Variants in FHIT observed in about 807,000 individuals in gnomAD.
The protein encoded by FHIT is fragile histidine triad diadenosine triphosphatase, also known as bis(5'-adenosyl)-triphosphatase.
FHIT carries 19 observed loss-of-function variants against 17.9 expected under a neutral mutation model. The observed-to-expected ratio is 1.06, with a 90% confidence interval of 0.74 to 1.56. The LOEUF is 1.56. Among genes scored for constraint, FHIT ranks in the 40% most tolerant of loss-of-function variants. The pLI is 0.00. For synonymous variants in FHIT, 81 were observed against 69.7 expected (o/e 1.16, Z -0.81); for missense variants, 248 against 189.2 (o/e 1.31, Z -1.82).
chr3:59,880,626 A>C (rs1310200963), intron 8 of FHIT, among the ~76,000 whole-genome samples: 1 of 152,192 alleles, frequency 6.6e-6, no homozygotes, highest in Non-Finnish European at 1.5e-5. Flanking sequence ...AAACAGAGAG[A>C]ATAGCAATGC....
At chr3:61,118,052 A>C (rs913812351) in intron 2 of FHIT, among the ~76,000 whole-genome samples, 1 of 152,150 alleles carries the variant, frequency 6.6e-6, no homozygotes, top group Non-Finnish European at 1.5e-5. Flanking sequence ...AACTGATTCT[A>C]TCTTCAGGAA....
intron 5 of FHIT, among the ~76,000 whole-genome samples, chr3:60,245,089 A>G (rs371355805): frequency 9.2e-5 from 14 of 152,054 alleles, no homozygotes; most frequent in Admixed American, 4.6e-4. Flanking sequence ...AATACAGCCT[A>G]TATCAGCAGT....
intron 5 of FHIT, among the ~76,000 whole-genome samples, chr3:60,436,029 G>A (rs1186820217): frequency 6.6e-6 from 1 of 151,892 alleles, no homozygotes; most frequent in Non-Finnish European, 1.5e-5. Flanking sequence ...ATGTGTATAT[G>A]TACCACATTT....
chr3:60,376,211 GCCCATGCTTGACACCACAAGCC>G (rs1234984834), intron 5 of FHIT, among the ~76,000 whole-genome samples: 3 of 152,242 alleles, frequency 2.0e-5, no homozygotes, highest in African/African-American at 7.2e-5. Flanking sequence ...TCCCACAAAA[GCCCATGCTTGACACCACAAGCC>G]CCCATGCTTG....
At chr3:60,331,527 CT>C (rs1709978074) in intron 5 of FHIT, among the ~76,000 whole-genome samples, 1 of 152,172 alleles carries the variant, frequency 6.6e-6, no homozygotes. Context: ...TTGGTAGCTT[CT>C]TTGTCACTCC....
chr3:60,294,724 C>T (rs960386038), intron 5 of FHIT, among the ~76,000 whole-genome samples: 1 of 152,150 alleles, frequency 6.6e-6, no homozygotes, highest in Non-Finnish European at 1.5e-5. Context: ...CACTGCCAAC[C>T]ACTCATCTGT....
intron 1 of FHIT, among the ~76,000 whole-genome samples, chr3:61,238,481 A>C (rs2040287758): frequency 6.6e-6 from 1 of 152,220 alleles, no homozygotes; most frequent in Admixed American, 6.5e-5. Flanking sequence ...CTTACAGTCC[A>C]AAGGGAAGAG....
chr3:60,436,819 C>T (rs2030294782), intron 5 of FHIT, among the ~76,000 whole-genome samples: 1 of 151,984 alleles, frequency 6.6e-6, no homozygotes, highest in Non-Finnish European at 1.5e-5. Context: ...TCATTTTTTA[C>T]AAAGTATGGA....
chr3:61,040,670 G>A (rs2033464182), intron 3 of FHIT, among the ~76,000 whole-genome samples: 1 of 152,180 alleles, frequency 6.6e-6, no homozygotes, highest in Non-Finnish European at 1.5e-5. Context: ...AAGGGTAGTG[G>A]AGATGTGTGT....
At chr3:60,279,931 C>A (rs1223532862) in intron 5 of FHIT, among the ~76,000 whole-genome samples, 1 of 151,212 alleles carries the variant, frequency 6.6e-6, no homozygotes. Context: ...ACTTGGGAGG[C>A]TGAGGCAGGA....
intron 4 of FHIT, among the ~76,000 whole-genome samples, chr3:60,596,499 C>T (rs1402311120): frequency 1.3e-5 from 2 of 152,130 alleles, no homozygotes; most frequent in Non-Finnish European, 2.9e-5. Context: ...CTCCAAAATC[C>T]TTTCCAATTG....
In FHIT at chr3:61,066,112, G is replaced by C. The variant is rs554213386; in HGVS notation, c.-163-24013C>G. On this transcript the variant is annotated intron_variant, in intron 2 of 9. Coordinates refer to ENST00000492590, the MANE Select transcript of FHIT (RefSeq NM_002012.4). ...AACAGCACGCAAAGGAGCAAGAAGT[G>C]ACTAAACTCACTTGGATAACAAACC... 6.0e-4 allele frequency among the ~76,000 whole-genome samples: 92 copies of C among 152,240 alleles called. 1 individual carries two copies. Among genetic ancestry groups the C allele is most frequent in the African/African-American group, 2.1e-3 (88 of 41,538 alleles).
At chr3:61,096,330 T>C (rs1216799870) in intron 2 of FHIT, among the ~76,000 whole-genome samples, 1 of 152,180 alleles carries the variant, frequency 6.6e-6, no homozygotes, top group Non-Finnish European at 1.5e-5. Context: ...CAACAAAAGT[T>C]ATTCCTAAAT....
intron 2 of FHIT, among the ~76,000 whole-genome samples, chr3:61,186,771 T>C (rs182168599): frequency 1.2e-3 from 180 of 152,280 alleles, no homozygotes; most frequent in African/African-American, 4.2e-3. Context: ...TTCTTTTGTA[T>C]TGGTTCTTGA....
intron 7 of FHIT, among the ~76,000 whole-genome samples, chr3:59,958,873 G>T (rs1047060218): frequency 2.0e-5 from 3 of 152,112 alleles, no homozygotes; most frequent in African/African-American, 4.8e-5. Flanking sequence ...ATATAAAGTG[G>T]TCAGGCTCAG....
intron 5 of FHIT, among the ~76,000 whole-genome samples, chr3:60,502,933 G>A (rs1284737894): frequency 6.6e-6 from 1 of 152,180 alleles, no homozygotes; most frequent in Non-Finnish European, 1.5e-5. Flanking sequence ...TATTTAGATG[G>A]TGACTGTGAC....
chr3:60,772,923 C>G (rs189720791), intron 4 of FHIT, among the ~76,000 whole-genome samples: 162 of 152,276 alleles, frequency 1.1e-3, no homozygotes, highest in African/African-American at 3.9e-3. Context: ...AATCTCCAAC[C>G]CAGCCAATCG....
At position 60,598,320 on chromosome 3, in the gene FHIT, A is replaced by G. The variant is rs1444704473; in HGVS notation, c.-17-61341T>C. ...CAAGCAAAATGTTGACTATTTTTCA[A>G]GCTGTGTTTTCTCTCCTCTCAGAAT... On this transcript the variant is annotated intron_variant, in intron 4 of 9. Transcript: ENST00000492590. Among the ~76,000 whole-genome samples the G allele has an allele frequency of 2.6e-5, 4 of 152,178 alleles. No individual in the cohort carries two copies. In the East Asian group the frequency reaches 7.7e-4, roughly 29 times the overall value.
chr3:61,248,622 T>C (rs2040541639), intron 1 of FHIT, among the ~76,000 whole-genome samples: 1 of 152,142 alleles, frequency 6.6e-6, no homozygotes, highest in African/African-American at 2.4e-5. Flanking sequence ...AAAAGAGTAA[T>C]GGGAGCCAAA....
Sources: gnomAD v4.1 joint callset for allele counts (sites outside exome capture counted in the v4.1 genomes callset) on GRCh38, gnomAD v4.1.1 for gene constraint, MANE v1.5 for transcripts, NCBI Gene and HGNC (gene_info 2026-07-23, HGNC 2026-07-21) for gene names.